TRHDE: variants seen among roughly 807,000 people sequenced by gnomAD.
The protein encoded by TRHDE is thyrotropin-releasing hormone-degrading ectoenzyme.
A neutral mutation model predicts 125.7 loss-of-function variants in TRHDE; 72 were observed. The ratio of observed to expected loss-of-function variants is 0.57; its 90% confidence interval spans 0.47 to 0.70. TRHDE has a LOEUF of 0.70. Among genes scored for constraint, TRHDE ranks in the 30% least tolerant of loss-of-function variants. The pLI is 0.00. For missense variants in TRHDE, 1,110 were observed against 1,327.1 expected (o/e 0.84, Z 2.54); for synonymous variants, 509 against 509.1 (o/e 1.00, Z 0.00).
At chr12:72,334,966 G>A (rs934678244) in intron 2 of TRHDE, among the ~76,000 whole-genome samples, 15 of 152,124 alleles carry the variant, frequency 9.9e-5, no homozygotes, top group South Asian at 2.1e-4. Flanking sequence ...TTTTAAGTTC[G>A]CAGGCAAATG....
intron 2 of TRHDE, among the ~76,000 whole-genome samples, chr12:72,156,441 G>C (rs1371582142): frequency 2.6e-5 from 4 of 152,152 alleles, no homozygotes. Flanking sequence ...AGATGAACCT[G>C]GTACCTCAGC....
chr12:72,319,336 T>C (rs1868965845), intron 2 of TRHDE, among the ~76,000 whole-genome samples: 1 of 152,178 alleles, frequency 6.6e-6, no homozygotes. Flanking sequence ...TGGGTCTCTT[T>C]ATTTCATATT....
At chr12:72,594,518 T>TTA (rs1555200619) in intron 12 of TRHDE, among the ~76,000 whole-genome samples, 17 of 151,130 alleles carry the variant, frequency 1.1e-4, no homozygotes, top group African/African-American at 3.2e-4. Flanking sequence ...TTTTTTTTTT[T>TTA]AATATTACTA....
intron 1 of TRHDE, among the ~76,000 whole-genome samples, chr12:72,093,636 C>T (rs995307176): frequency 3.3e-5 from 5 of 151,998 alleles, no homozygotes; most frequent in Admixed American, 6.5e-5. Flanking sequence ...TCACTTCTGT[C>T]GTTGTGTTCT....
chr12:72,567,755 C>G (rs762842656), intron 9 of TRHDE, among the ~76,000 whole-genome samples: 2 of 151,984 alleles, frequency 1.3e-5, no homozygotes, highest in African/African-American at 4.8e-5. Context: ...GGCTATATTT[C>G]AAGAAGGAAA....
At position 72,224,271 on chromosome 12, in the gene TRHDE, C is replaced by G. The variant is rs575729968; in HGVS notation, n.279+118519C>G. ...TGGTTACAAATATGAAGGACCCCCC[C>G]CTAGGTAGACCAGAACCAGAGCTGT... is the stretch of plus-strand genomic sequence containing the variant. On this transcript the variant is annotated intron_variant and non_coding_transcript_variant, in intron 2 of 4. Transcript: ENST00000548156. 3.1e-3 allele frequency among the ~76,000 whole-genome samples: 476 copies of G among 151,788 alleles called. 4 individuals carry two copies. Among genetic ancestry groups the G allele is most frequent in the African/African-American group, 0.011 (445 of 41,334 alleles).
chr12:72,162,078 T>C (rs983865500), intron 2 of TRHDE, among the ~76,000 whole-genome samples: 4 of 152,320 alleles, frequency 2.6e-5, no homozygotes, highest in Admixed American at 1.3e-4. Context: ...AGAGAAAGTA[T>C]GGCAAGACAT....
At chr12:72,354,954 G>A (rs1254248068) in intron 2 of TRHDE, among the ~76,000 whole-genome samples, 1 of 151,374 alleles carries the variant, frequency 6.6e-6, no homozygotes, top group African/African-American at 2.4e-5. Context: ...AATTTGCAGA[G>A]TAGAGTGGAA....
intron 2 of TRHDE, among the ~76,000 whole-genome samples, chr12:72,243,698 G>C (rs1175299028): frequency 6.6e-6 from 1 of 152,002 alleles, no homozygotes; most frequent in African/African-American, 2.4e-5. Context: ...CCCTTTTCTG[G>C]TTCATTGGAA....
At position 72,478,922 on chromosome 12, in the gene TRHDE, C is replaced by CAAAA. The variant is rs67346703; in HGVS notation, c.1584+5758_1584+5761dup. Among the ~76,000 whole-genome samples, 19 of 106,186 alleles carry CAAAA rather than the reference C, an allele frequency of 1.8e-4. 1 individual carries two copies. Among genetic ancestry groups the CAAAA allele is most frequent in the Middle Eastern group, 5.7e-3 (1 of 174 alleles). 69.7% of individuals were successfully genotyped at this position (106,186 alleles called of 152,430 possible). A position where few individuals can be genotyped will look rare whatever the true frequency, so the allele number is the denominator to read the frequency against. ...AATAGATATTAATACTTTTTTTTAGCAAAAAAAAAAAAAAAAAAACAAAAA... is the reference window on the plus strand; with the variant it reads ...AATAGATATTAATACTTTTTTTTAGCAAAAAAAAAAAAAAAAAAAAAAACAAAAA... On this transcript the variant is annotated intron_variant, in intron 5 of 18. Transcript: ENST00000261180.
chr12:72,362,466 C>G (rs919018899), intron 2 of TRHDE, among the ~76,000 whole-genome samples: 17 of 151,924 alleles, frequency 1.1e-4, no homozygotes, highest in African/African-American at 3.4e-4. Context: ...GATACTAGCC[C>G]TTTGTCAGAT....
At chr12:72,629,215 T>A (rs1316363034) in intron 15 of TRHDE, among the ~76,000 whole-genome samples, 1 of 151,906 alleles carries the variant, frequency 6.6e-6, no homozygotes, top group Non-Finnish European at 1.5e-5. Context: ...AACACTTTGG[T>A]CTTTTTCATG....
At chr12:72,127,049 T>G (rs1238191672) in intron 2 of TRHDE, among the ~76,000 whole-genome samples, 1 of 152,132 alleles carries the variant, frequency 6.6e-6, no homozygotes, top group Non-Finnish European at 1.5e-5. Context: ...ACATGAACAC[T>G]TCTCAAAAAG....
rs761977692 is a variant in TRHDE at position 72,286,664 on chromosome 12, C to T, written c.915-17C>T. 10 of 1,607,994 alleles carry T rather than the reference C, an allele frequency of 6.2e-6. No homozygotes were observed. Among genetic ancestry groups the T allele is most frequent in the Non-Finnish European group, 7.6e-6 (9 of 1,176,502 alleles). On this transcript the variant is annotated splice_polypyrimidine_tract_variant and intron_variant, in intron 1 of 18. Coordinates refer to ENST00000261180, the MANE Select transcript of TRHDE (RefSeq NM_013381.3). ...ACAACATAAATGTAATTGAGAATGT[C>T]ATTTTCTTTTTTCCAGATTCCTTGG...
intron 2 of TRHDE, among the ~76,000 whole-genome samples, chr12:72,363,106 T>A (rs941348333): frequency 5.9e-5 from 9 of 151,970 alleles, no homozygotes; most frequent in African/African-American, 1.9e-4. Context: ...GTGAAGAAAG[T>A]CATTGGTAGC....
chr12:72,400,642 G>C (rs138783904), intron 3 of TRHDE, among the ~76,000 whole-genome samples: 143 of 152,268 alleles, frequency 9.4e-4, no homozygotes, highest in African/African-American at 3.1e-3. Context: ...AACCAGATCT[G>C]TAGTTTTAGA....
intron 5 of TRHDE, among the ~76,000 whole-genome samples, chr12:72,477,182 C>T (rs12297047): frequency 0.092 from 13,953 of 152,132 alleles, 856 homozygotes; most frequent in African/African-American, 0.16. Context: ...ATGAACCACT[C>T]TACAAATGTA....
chr12:72,184,137 T>A (rs1193620890), intron 2 of TRHDE, among the ~76,000 whole-genome samples: 4 of 152,168 alleles, frequency 2.6e-5, no homozygotes, highest in Admixed American at 6.5e-5. Context: ...ATTTTTAGTT[T>A]TTTTTATTTT....
intron 12 of TRHDE, among the ~76,000 whole-genome samples, chr12:72,614,607 G>A (rs747752710): frequency 2.0e-5 from 3 of 151,996 alleles, no homozygotes; most frequent in Non-Finnish European, 2.9e-5. Flanking sequence ...TATTAAATAT[G>A]TAGGAGACTA....
Sources: gnomAD v4.1 joint callset for allele counts (sites outside exome capture counted in the v4.1 genomes callset) on GRCh38, gnomAD v4.1.1 for gene constraint, MANE v1.5 for transcripts, NCBI Gene and HGNC (gene_info 2026-07-23, HGNC 2026-07-21) for gene names.